The following POLE variants were observed in gnomAD, a reference collection of about 807,000 sequenced individuals.
POLE encodes DNA polymerase epsilon, catalytic subunit.
A neutral mutation model predicts 279.2 loss-of-function variants in POLE; 188 were observed. That is an observed-to-expected ratio of 0.67 (90% CI 0.60 to 0.76). The LOEUF is 0.76. Ranked by LOEUF, POLE falls within the 30% of genes least tolerant of loss-of-function variation. POLE has a pLI of 0.00. For synonymous variants in POLE, 1,214 were observed against 1,172.5 expected (o/e 1.04, Z -0.72); for missense variants, 2,703 against 3,016.7 (o/e 0.90, Z 2.44).
At chr12:132,679,253 A>G (rs984578202) in intron 6 of POLE, among the ~76,000 whole-genome samples, 3 of 152,184 alleles carry the variant, frequency 2.0e-5, no homozygotes, top group Non-Finnish European at 2.9e-5. Flanking sequence ...TACTATTACA[A>G]CCACTCAATT....
intron 43 of POLE, 172 bp from the exon 44 acceptor site, chr12:132,632,967 A>C (rs186016127): frequency 1.2e-4 from 79 of 662,156 alleles, no homozygotes; most frequent in Non-Finnish European, 1.8e-4. Flanking sequence ...AGAAGTGAGA[A>C]GTGGAAATGA....
Position 132,668,868 on chromosome 12 carries a change from G to A in POLE, c.1866C>T (p.Ile622=), listed in dbSNP as rs1060504068. ...ACATGGCCCCCACGTCCAGGTGGTA[G>A]ATGAGTGGACACTCGATGCGGCTGG... The part of the protein sequence containing the change: ...DVPSRIECPL[I]YHLDVGAMYP... The change falls in exon 17 of 49, where the codon ATC becomes ATT. Residue 622 remains isoleucine, a synonymous_variant. Transcript: ENST00000320574. The surrounding 1 kb of genome is among the most constrained non-coding windows in gnomAD (Gnocchi z 4.0). 4 of 1,613,980 alleles carry A rather than the reference G, an allele frequency of 2.5e-6. No individual in the cohort carries two copies. Among genetic ancestry groups the A allele is most frequent in the Non-Finnish European group, 3.4e-6 (4 of 1,179,966 alleles).
chr12:132,656,661 G>A (rs914922545), intron 29 of POLE, among the ~76,000 whole-genome samples: 6 of 152,186 alleles, frequency 3.9e-5, no homozygotes, highest in African/African-American at 1.4e-4. Context: ...CCTGGTCAAA[G>A]AACCTTGTTC....
At chr12:132,654,163 G>C (rs993719251) in intron 29 of POLE, among the ~76,000 whole-genome samples, 5 of 150,988 alleles carry the variant, frequency 3.3e-5, no homozygotes, top group African/African-American at 9.9e-5. Context: ...ATGAGCTAAG[G>C]GTTTTTTTTT....
intron 45 of POLE, among the ~76,000 whole-genome samples, chr12:132,628,901 A>AATGTTG (rs2041886185): frequency 6.6e-6 from 1 of 152,110 alleles, no homozygotes; most frequent in Non-Finnish European, 1.5e-5. Context: ...CACTCCTGTT[A>AATGTTG]ATGTTGATAT....
At chr12:132,672,440 CAT>C (rs1171191150) in intron 15 of POLE, 118 bp from the exon 16 acceptor site, 54 of 1,052,868 alleles carry the variant, frequency 5.1e-5, no homozygotes, top group South Asian at 1.6e-4. Flanking sequence ...CGGAAGGACT[CAT>C]GTGCACAATC....
In POLE at chr12:132,672,773, T is replaced by A. The variant is rs1276309198; in HGVS notation, c.1540A>T (p.Ile514Phe). ...TGCTCTTGCTTGTTGGGGAAGATGA[T>A]GTTGGCGTGGAAGGCCTGCACCATC... ...LLMVQAFHAN[I>F]IFPNKQEQEF... The change falls in exon 15 of 49, where the codon ATC becomes TTC. Residue 514 changes from isoleucine to phenylalanine, a missense_variant. This residue lies in a region of POLE where 1,011 missense variants were observed against 1,111.7 expected (regional missense o/e 0.91). Coordinates refer to ENST00000320574, the MANE Select transcript of POLE (RefSeq NM_006231.4). 6.2e-7 allele frequency: 1 copy of A among 1,614,060 alleles called. No individual in the cohort carries two copies. Among genetic ancestry groups the A allele is most frequent in the African/African-American group, 1.3e-5 (1 of 74,934 alleles).
At position 132,624,443 on chromosome 12, in the gene POLE, C is replaced by G. The variant is rs956999929; in HGVS notation, c.*254G>C. On this transcript the variant is annotated 3_prime_UTR_variant, in exon 49 of 49. Transcript: ENST00000320574. ...TGCGTGAGAAACGGCGCCCAGGGCA[C>G]TCGCAGCCTCGCTCACGGCCTGCTT... is the stretch of plus-strand genomic sequence containing the variant. 1.8e-6 allele frequency: 1 copy of G among 565,314 alleles called. No homozygotes were observed. Among genetic ancestry groups the G allele is most frequent in the Admixed American group, 3.0e-5 (1 of 32,790 alleles). The allele number at this position is 565,314 out of a possible 1,614,324, so 35.0% of individuals were successfully genotyped here. A position where few individuals can be genotyped will look rare whatever the true frequency, so the allele number is the denominator to read the frequency against.
chr12:132,625,483 G>C (rs2041817028), intron 47 of POLE, 162 bp downstream of exon 47: 4 of 928,578 alleles, frequency 4.3e-6, no homozygotes, highest in South Asian at 4.0e-5. Context: ...AGTGTGGACA[G>C]AACAGTCCAT....
Position 132,641,662 on chromosome 12 carries a change from C to A in POLE, c.5363G>T (p.Cys1788Phe), listed in dbSNP as rs1565935614. Residue 1788 changes from cysteine to phenylalanine, a missense_variant, in exon 39 of 49, where the codon TGC (cysteine) becomes TTC (phenylalanine). Physicochemically the swap from Cys to Phe is radical, Grantham distance 205 (BLOSUM62 -2). Around this residue, in one of 5 missense-constraint regions of POLE, gnomAD observed 1,551 missense variants for 1,686.1 expected, o/e 0.92. Transcript: ENST00000320574. ...APASYDETAL[C>F]SNTFRILKSM... Reference sequence around the variant, plus strand: ...AGGGTGGCACCTGAAGGTGTTAGAGCACAGGGCTGTCTCATCGTAGCTGGC... The same window carrying A: ...AGGGTGGCACCTGAAGGTGTTAGAGAACAGGGCTGTCTCATCGTAGCTGGC... The A allele has an allele frequency of 6.2e-7, 1 of 1,614,000 alleles. No homozygotes were observed. The highest frequency in any genetic ancestry group is 8.5e-7 in the Non-Finnish European group (1 of 1,179,956).
At chr12:132,628,650 CAA>C (rs2041880975) in intron 45 of POLE, among the ~76,000 whole-genome samples, 2 of 14,882 alleles carry the variant, frequency 1.3e-4, no homozygotes, top group Non-Finnish European at 2.0e-4. Context: ...CATCTCAAAA[CAA>C]AACAAAACAA....
rs4883538 is a variant in POLE at position 132,648,860 on chromosome 12, G to T, written c.4149+69C>A. The T allele has an allele frequency of 0.46, 701,167 of 1,521,956 alleles. 165,939 individuals are homozygous for T. The highest frequency in any genetic ancestry group is 0.7 in the East Asian group (30,713 of 43,996). 94.3% of individuals were successfully genotyped at this position (1,521,956 alleles called of 1,614,324 possible). A position where few individuals can be genotyped will look rare whatever the true frequency, so the allele number is the denominator to read the frequency against. On this transcript the variant is annotated intron_variant, in intron 32 of 48. Transcript: ENST00000320574. Reference sequence around the variant, plus strand: ...CTGAGGAGATGGAGGCTGGAGGCCAGGCTAGATCATGGGAAAGCCACCTCA... The same window carrying T: ...CTGAGGAGATGGAGGCTGGAGGCCATGCTAGATCATGGGAAAGCCACCTCA...
At chr12:132,658,855 T>C (rs976963237) in intron 26 of POLE, among the ~76,000 whole-genome samples, 2 of 118,502 alleles carry the variant, frequency 1.7e-5, no homozygotes, top group African/African-American at 6.6e-5. Flanking sequence ...CAGGCATTTG[T>C]ACTGGTCCTA....
At chr12:132,635,244 C>T (rs1363026104) in intron 42 of POLE, among the ~76,000 whole-genome samples, 2 of 152,208 alleles carry the variant, frequency 1.3e-5, no homozygotes, top group East Asian at 1.9e-4. Context: ...GCCACCTCCA[C>T]TCACCCACAG....
At chr12:132,672,574 T>A (rs376103997) in intron 15 of POLE, 53 bp downstream of exon 15, 1 of 1,561,364 alleles carries the variant, frequency 6.4e-7, no homozygotes, top group East Asian at 2.2e-5. Flanking sequence ...AGCTTCTGGG[T>A]CCTACCACAG....
chr12:132,687,095 T>C lies in POLE; in HGVS notation c.62+159A>G, dbSNP rs2043291168. ...CCTCCGCCCGCCCCGAGCCCCTCCG[T>C]CGGCGGTCGGGGCGCGCCGCCCTAC... On this transcript the variant is annotated intron_variant, in intron 1 of 48. Coordinates refer to ENST00000320574, the MANE Select transcript of POLE (RefSeq NM_006231.4). Among the ~76,000 whole-genome samples, 3 of 149,300 alleles carry C rather than the reference T, an allele frequency of 2.0e-5. 1 individual carries two copies. The highest frequency in any genetic ancestry group is 7.4e-5 in the African/African-American group (3 of 40,630).
At chr12:132,677,531 C>G (rs367756500) in intron 7 of POLE, 47 bp downstream of exon 7, 76 of 1,612,712 alleles carry the variant, frequency 4.7e-5, no homozygotes, top group Non-Finnish European at 5.6e-5. Flanking sequence ...CATCTCCTGG[C>G]TGTTAGGAAA....
intron 29 of POLE, among the ~76,000 whole-genome samples, chr12:132,652,289 G>C (rs574923074): frequency 7.1e-6 from 1 of 140,616 alleles, no homozygotes; most frequent in African/African-American, 2.6e-5. Flanking sequence ...AGTCTCCTGA[G>C]TTGTTTACCA....
rs966188595 is a variant in POLE, at chr12:132,639,646, C to A, written c.5379-348G>T. On this transcript the variant is annotated intron_variant, in intron 39 of 48. Coordinates refer to ENST00000320574, the MANE Select transcript of POLE (RefSeq NM_006231.4). The surrounding 1 kb of genome is among the most constrained non-coding windows in gnomAD (Gnocchi z 4.7). ...CAGGAAGGACACAGCAAAGCCACTG[C>A]CTAGACATCAGAACACCACACTAGG... Among the ~76,000 whole-genome samples the A allele has an allele frequency of 6.6e-5, 10 of 152,212 alleles. No homozygotes were observed. The highest frequency in any genetic ancestry group is 1.5e-4 in the Non-Finnish European group (10 of 68,040).
Sources: gnomAD v4.1 joint callset for allele counts (sites outside exome capture counted in the v4.1 genomes callset) on GRCh38, gnomAD v4.1.1 for gene constraint, gnomAD v4.1.1 regional missense constraint, Gnocchi (gnomAD v3.1) non-coding constraint, MANE v1.5 for transcripts, NCBI Gene and HGNC (gene_info 2026-07-23, HGNC 2026-07-21) for gene names.